GLRA3: variants seen among roughly 807,000 people sequenced by gnomAD.
The protein encoded by GLRA3 is glycine receptor alpha 3, also known as glycine receptor subunit alpha-3.
GLRA3 carries 44 observed loss-of-function variants against 60.4 expected under a neutral mutation model. The observed-to-expected ratio is 0.73, with a 90% CI of 0.57 to 0.94. The LOEUF is 0.94. Ranked by LOEUF, GLRA3 falls within the 40% of genes least tolerant of loss-of-function variation. The pLI is 0.00. For synonymous variants in GLRA3, 223 were observed against 192.9 expected (o/e 1.16, Z -1.29); for missense variants, 508 against 564.6 (o/e 0.90, Z 1.02).
rs1238134497 is a variant in GLRA3, at chr4:174,640,572, A to G, written c.*3214T>C. 1 of 152,090 alleles carries G rather than the reference A, an allele frequency of 6.6e-6. No homozygotes were observed. The highest frequency in any genetic ancestry group is 2.4e-5 in the African/African-American group (1 of 41,454). The allele number at this position is 152,090 out of a possible 1,614,324, so 9.4% of individuals were successfully genotyped here. A position where few individuals can be genotyped will look rare whatever the true frequency, so the allele number is the denominator to read the frequency against. On this transcript the variant is annotated 3_prime_UTR_variant, in exon 10 of 10. Transcript: ENST00000274093. Reference sequence around the variant, plus strand: ...ACATCTAAATCTTTTTTCAAATATTATAACTACTTAAGTTGCACTGAGTAC... The same window carrying G: ...ACATCTAAATCTTTTTTCAAATATTGTAACTACTTAAGTTGCACTGAGTAC...
chr4:174,774,358 G>GTGTA (rs1288169557), intron 2 of GLRA3, among the ~76,000 whole-genome samples: 1 of 143,102 alleles, frequency 7.0e-6, no homozygotes, highest in African/African-American at 2.5e-5. Context: ...ATGTATGTGT[G>GTGTA]TGTGTATGTG....
intron 3 of GLRA3, among the ~76,000 whole-genome samples, chr4:174,764,512 C>G (rs986123710): frequency 6.7e-6 from 1 of 149,398 alleles, no homozygotes; most frequent in Admixed American, 6.7e-5. Flanking sequence ...TTCAATTATT[C>G]GTATTATAAG....
intron 1 of GLRA3, among the ~76,000 whole-genome samples, chr4:174,808,762 T>C (rs1251419732): frequency 1.3e-5 from 2 of 152,078 alleles, no homozygotes; most frequent in African/African-American, 4.8e-5. Context: ...ATGTGTGTGC[T>C]TGTGTCTTAG....
In GLRA3 at chr4:174,819,910, C is replaced by A. The variant is rs996972296; in HGVS notation, c.71+8831G>T. Among the ~76,000 whole-genome samples, 4 of 151,996 alleles carry A rather than the reference C, an allele frequency of 2.6e-5. No individual in the cohort carries two copies. The East Asian group carries it at 7.7e-4, about 29-fold the overall frequency. On this transcript the variant is annotated intron_variant, in intron 1 of 9. Coordinates refer to ENST00000274093, the MANE Select transcript of GLRA3 (RefSeq NM_006529.4). ...GCATTGTCATTTAGTTATGCTTTCT[C>A]TTTTCAGTGCAAATATCTTTTTTAA...
intron 1 of GLRA3, among the ~76,000 whole-genome samples, chr4:174,796,539 T>C (rs1196468349): frequency 6.6e-6 from 1 of 152,000 alleles, no homozygotes; most frequent in African/African-American, 2.4e-5. Context: ...TCCCTTTCTT[T>C]CTTTCTTTTT....
intron 1 of GLRA3, among the ~76,000 whole-genome samples, chr4:174,807,729 G>A (rs1262853789): frequency 6.6e-6 from 1 of 152,012 alleles, no homozygotes; most frequent in Non-Finnish European, 1.5e-5. Flanking sequence ...AAGATAAAAA[G>A]ATAAAGCCTT....
intron 1 of GLRA3, among the ~76,000 whole-genome samples, chr4:174,805,160 G>A (rs1388205470): frequency 1.3e-5 from 2 of 152,124 alleles, no homozygotes; most frequent in Non-Finnish European, 2.9e-5. Context: ...AAGGGAAGCC[G>A]TGCTGAGGAC....
chr4:174,800,857 T>C (rs1466065749), intron 1 of GLRA3, among the ~76,000 whole-genome samples: 1 of 152,042 alleles, frequency 6.6e-6, no homozygotes. Context: ...CATTTGTTTG[T>C]TGTTGTTGTT....
chr4:174,790,649 C>T (rs10021711), intron 1 of GLRA3, among the ~76,000 whole-genome samples: 22,613 of 151,168 alleles, frequency 0.15, 2,196 homozygotes, highest in East Asian at 0.41. Flanking sequence ...TTTATCTTGA[C>T]CTGAACCAAT....
rs139402687 is a variant in GLRA3, at chr4:174,678,262, C to T, written c.713-970G>A. ...AATGATGGTTTAATAAACATTAAGT[C>T]GATATTTTTTGCTTGTGTCCTGGTT... On this transcript the variant is annotated intron_variant, in intron 6 of 9. Coordinates refer to ENST00000274093, the MANE Select transcript of GLRA3 (RefSeq NM_006529.4). Among the ~76,000 whole-genome samples the T allele has an allele frequency of 1.8e-4, 28 of 152,138 alleles. No homozygotes were observed. In the East Asian group the frequency reaches 2.5e-3, roughly 14 times the overall value.
chr4:174,732,664 T>C (rs1400279531), intron 3 of GLRA3, among the ~76,000 whole-genome samples: 2 of 152,062 alleles, frequency 1.3e-5, no homozygotes, highest in Admixed American at 6.6e-5. Flanking sequence ...ATGATGAGGA[T>C]GAATCTTACA....
chr4:174,678,056 C>T (rs1734197510), intron 6 of GLRA3, among the ~76,000 whole-genome samples: 1 of 152,136 alleles, frequency 6.6e-6, no homozygotes, highest in Non-Finnish European at 1.5e-5. Flanking sequence ...CACAATTGAA[C>T]ACGAATTATT....
At position 174,682,704 on chromosome 4, in the gene GLRA3, T is replaced by C. The variant is rs1734397434; in HGVS notation, c.712+98A>G. 7.1e-6 allele frequency: 6 copies of C among 845,094 alleles called. No homozygotes were observed. The East Asian group carries it at 7.5e-5, about 11-fold the overall frequency. 52.3% of individuals were successfully genotyped at this position (845,094 alleles called of 1,614,324 possible). A position where few individuals can be genotyped will look rare whatever the true frequency, so the allele number is the denominator to read the frequency against. ...TTCTGCTATATAAGAAAAACATTGA[T>C]CTATGAACAGTTAAATAACTTAGCA... On this transcript the variant is annotated intron_variant, in intron 6 of 9. Transcript: ENST00000274093.
In GLRA3 at chr4:174,642,086, T is replaced by G. The variant is rs1164279618; in HGVS notation, c.*1700A>C. The G allele has an allele frequency of 3.5e-6, 3 of 869,480 alleles. No homozygotes were observed. In the East Asian group the frequency reaches 3.6e-4, roughly 105 times the overall value. 53.9% of individuals were successfully genotyped at this position (869,480 alleles called of 1,614,324 possible). Reference sequence around the variant, plus strand: ...ACATGATATTATTTCCTTATAGTGTTGTTTTAAGTTACTTATAAAGGAGGG... The same window carrying G: ...ACATGATATTATTTCCTTATAGTGTGGTTTTAAGTTACTTATAAAGGAGGG... On this transcript the variant is annotated 3_prime_UTR_variant, in exon 10 of 10. Coordinates refer to ENST00000274093, the MANE Select transcript of GLRA3 (RefSeq NM_006529.4).
intron 1 of GLRA3, among the ~76,000 whole-genome samples, chr4:174,804,651 A>G (rs1266164386): frequency 6.6e-6 from 1 of 152,206 alleles, no homozygotes; most frequent in East Asian, 1.9e-4. Context: ...ACAGAAAACT[A>G]GGACATGGAT....
chr4:174,825,809 T>A (rs1331180402), intron 1 of GLRA3, among the ~76,000 whole-genome samples: 1 of 152,108 alleles, frequency 6.6e-6, no homozygotes, highest in African/African-American at 2.4e-5. Flanking sequence ...TTTACTAAAG[T>A]ATAGATGATA....
intron 3 of GLRA3, among the ~76,000 whole-genome samples, chr4:174,728,973 C>A (rs942624738): frequency 1.1e-4 from 16 of 152,126 alleles, no homozygotes; most frequent in African/African-American, 3.9e-4. Flanking sequence ...ATATACTGTT[C>A]TTTGGGTTTT....
Position 174,697,564 on chromosome 4 carries a change from A to C in GLRA3, c.575-14625T>G, listed in dbSNP as rs191788789. Among the ~76,000 whole-genome samples, 5 of 152,310 alleles carry C rather than the reference A, an allele frequency of 3.3e-5. No individual in the cohort carries two copies. The East Asian group carries it at 9.6e-4, about 29-fold the overall frequency. The stretch of plus-strand genomic sequence containing the variant: ...AGGCCATTACATGTGGTTTCATTTA[A>C]ATTATTGGTCTGGTAAATTAAGCAT... On this transcript the variant is annotated intron_variant, in intron 5 of 9. Coordinates refer to ENST00000274093, the MANE Select transcript of GLRA3 (RefSeq NM_006529.4).
At chr4:174,826,884 T>C (rs1446190506) in intron 1 of GLRA3, among the ~76,000 whole-genome samples, 1 of 151,450 alleles carries the variant, frequency 6.6e-6, no homozygotes, top group Non-Finnish European at 1.5e-5. Flanking sequence ...CTTTTTTTTT[T>C]TTTTTCTATA....
Sources: allele counts gnomAD v4.1 joint callset (sites outside exome capture counted in the v4.1 genomes callset), GRCh38; gene constraint gnomAD v4.1.1; transcripts MANE v1.5; gene names NCBI Gene and HGNC (gene_info 2026-07-23, HGNC 2026-07-21).